KIF5C: variants seen among roughly 807,000 people sequenced by gnomAD.
The protein encoded by KIF5C is kinesin heavy chain isoform 5C.
In KIF5C, 18 loss-of-function variants were observed where a neutral mutation model predicts 125.2. The ratio of observed to expected loss-of-function variants is 0.14; its 90% CI spans 0.10 to 0.21. The LOEUF (loss-of-function observed/expected upper bound fraction) is 0.21, where lower values mean the gene tolerates loss of function less well. Ranked by LOEUF, KIF5C falls within the 10% of genes least tolerant of loss-of-function variation. The probability of loss-of-function intolerance (pLI) is 1.00; values close to 1 mark genes in which losing one functional copy is unlikely to be tolerated. For synonymous variants in KIF5C, 405 were observed against 434.0 expected, an observed-to-expected ratio of 0.93 and a Z score of 0.83; for missense variants, 780 against 1,183.8, an observed-to-expected ratio of 0.66 and a Z score of 5.01.
At chr2:148,978,565 C>G (rs1681143313) in intron 12 of KIF5C, among the ~76,000 whole-genome samples, 1 of 152,002 alleles carries the variant, frequency 6.6e-6, no homozygotes, top group African/African-American at 2.4e-5. Context: ...AAATTCACTC[C>G]TTTATTTTTT....
rs748568528 is a variant in KIF5C at position 148,981,302 on chromosome 2, C to T, written c.1363-53C>T. On this transcript the variant is annotated intron_variant, in intron 13 of 25. Transcript: ENST00000435030. ...ACTTACTTTTGGATACAGCATAGAA[C>T]ATAAACATTTGAACATTAGATTCAC... The T allele has an allele frequency of 2.6e-4, 400 of 1,528,628 alleles. 2 individuals carry two copies. Among genetic ancestry groups the T allele is most frequent in the Non-Finnish European group, 3.4e-4 (387 of 1,139,450 alleles). 94.7% of individuals were successfully genotyped at this position (1,528,628 alleles called of 1,614,324 possible).
At chr2:149,005,077 AG>A (rs1681966409) in intron 21 of KIF5C, among the ~76,000 whole-genome samples, 1 of 152,252 alleles carries the variant, frequency 6.6e-6, no homozygotes, top group African/African-American at 2.4e-5. Flanking sequence ...AACATAGCCC[AG>A]TAGGAATTTT....
chr2:149,008,208 G>A, intron 23 of KIF5C, 141 bp downstream of exon 23: 1 of 1,151,260 alleles, frequency 8.7e-7, no homozygotes, highest in African/African-American at 1.5e-5. Context: ...ATGAGGGCTG[G>A]AAAGGTCCTT....
intron 8 of KIF5C, chr2:148,947,804 T>C (rs1682554099): frequency 2.3e-6 from 1 of 441,118 alleles, no homozygotes; most frequent in Non-Finnish European, 4.6e-6. Flanking sequence ...ATGTGCACAA[T>C]GCCCTCTGGC....
chr2:149,009,803 T>C lies in KIF5C; in HGVS notation c.2551-332T>C, dbSNP rs946891128. Among the ~76,000 whole-genome samples the C allele has an allele frequency of 3.3e-5, 5 of 152,182 alleles. No individual in the cohort carries two copies. The East Asian group carries it at 9.6e-4, about 29-fold the overall frequency. Reference sequence around the variant, plus strand: ...CTCATGCTAATTTAGTATTCTCATATGTGGTCGATTTTCTCACACAATCCC... The same window carrying C: ...CTCATGCTAATTTAGTATTCTCATACGTGGTCGATTTTCTCACACAATCCC... On this transcript the variant is annotated intron_variant, in intron 23 of 25. Transcript: ENST00000435030.
intron 1 of KIF5C, among the ~76,000 whole-genome samples, chr2:148,899,521 G>A (rs188184490): frequency 2.1e-4 from 32 of 151,794 alleles, no homozygotes; most frequent in Admixed American, 9.8e-4. Flanking sequence ...GGCCAACATG[G>A]CAAAACCCCA....
Position 148,983,665 on chromosome 2 carries a change from C to G in KIF5C, c.1615C>G (p.Leu539Val). 1.2e-6 allele frequency: 2 copies of G among 1,609,132 alleles called. No homozygotes were observed. Among genetic ancestry groups the G allele is most frequent in the Admixed American group, 1.7e-5 (1 of 59,734 alleles). ...TQRELSQLQELSNHQKKRATE... is the reference protein window; with the variant it reads ...TQRELSQLQEVSNHQKKRATE... The stretch of plus-strand genomic sequence containing the variant: ...GAGAGAGCTGAGCCAGCTACAAGAG[C>G]TTAGCAACCACCAGAAGAAAAGGGC... Residue 539 changes from leucine (L) to valine (V), a missense_variant, in exon 15 of 26, where the codon CTT (leucine) becomes GTT (valine). Around this residue, in one of 2 missense-constraint regions of KIF5C, gnomAD observed 573 missense variants for 742.6 expected, o/e 0.77. Transcript: ENST00000435030.
intron 1 of KIF5C, among the ~76,000 whole-genome samples, chr2:148,918,215 A>G (rs1681638183): frequency 6.6e-6 from 1 of 152,216 alleles, no homozygotes; most frequent in South Asian, 2.1e-4. Context: ...CTCCTATGTA[A>G]TTAGCACTGT....
intron 1 of KIF5C, among the ~76,000 whole-genome samples, chr2:148,901,276 T>C (rs1380758155): frequency 6.6e-6 from 1 of 152,208 alleles, no homozygotes; most frequent in Non-Finnish European, 1.5e-5. Context: ...GGCAGGTATA[T>C]ATAACCTGCC....
At chr2:148,914,598 T>G (rs1364782430) in intron 1 of KIF5C, among the ~76,000 whole-genome samples, 2 of 152,256 alleles carry the variant, frequency 1.3e-5, no homozygotes, top group African/African-American at 4.8e-5. Context: ...TCCTTCTCAA[T>G]ACGTGAAGTG....
chr2:148,922,962 G>A (rs1681849365), intron 2 of KIF5C, among the ~76,000 whole-genome samples: 1 of 152,230 alleles, frequency 6.6e-6, no homozygotes, highest in South Asian at 2.1e-4. Context: ...GCTCTACCTT[G>A]TCCTTTCAAA....
chr2:148,957,631 G>T (rs1682829555), intron 10 of KIF5C, among the ~76,000 whole-genome samples: 1 of 148,894 alleles, frequency 6.7e-6, no homozygotes, highest in African/African-American at 2.5e-5. Flanking sequence ...TAAACCTCAG[G>T]GCACAAAAAT....
intron 1 of KIF5C, chr2:148,879,911 A>G (rs1455325303): frequency 6.6e-6 from 1 of 152,234 alleles, no homozygotes; most frequent in African/African-American, 2.4e-5. Flanking sequence ...TAAGCTGGAA[A>G]GTGGCCCCAG....
chr2:148,893,903 C>A (rs2105048989), intron 1 of KIF5C, among the ~76,000 whole-genome samples: 1 of 152,310 alleles, frequency 6.6e-6, no homozygotes, highest in South Asian at 2.1e-4. Flanking sequence ...GTCTTTGGAC[C>A]AAACTGCAAA....
chr2:148,956,154 C>G (rs973365379), intron 10 of KIF5C, among the ~76,000 whole-genome samples: 4 of 152,146 alleles, frequency 2.6e-5, no homozygotes, highest in Non-Finnish European at 5.9e-5. Context: ...TGCCAACTTA[C>G]GAGGGTGCCT....
intron 7 of KIF5C, among the ~76,000 whole-genome samples, chr2:148,945,081 A>G (rs1212165853): frequency 6.6e-6 from 1 of 152,088 alleles, no homozygotes; most frequent in Non-Finnish European, 1.5e-5. Context: ...ATTTTCTTCT[A>G]TTCCATGGAT....
intron 3 of KIF5C, among the ~76,000 whole-genome samples, chr2:148,934,410 A>G (rs1381105868): frequency 1.3e-5 from 2 of 150,936 alleles, no homozygotes; most frequent in African/African-American, 4.9e-5. Context: ...ACACAGACAT[A>G]CCATATACCA....
At chr2:148,903,228 C>G (rs1283655779) in intron 1 of KIF5C, among the ~76,000 whole-genome samples, 1 of 152,126 alleles carries the variant, frequency 6.6e-6, no homozygotes, top group African/African-American at 2.4e-5. Flanking sequence ...GCTCATGTTG[C>G]CTTTAAAAAC....
intron 14 of KIF5C, among the ~76,000 whole-genome samples, chr2:148,982,939 A>T (rs1681276975): frequency 6.6e-6 from 1 of 152,224 alleles, no homozygotes; most frequent in South Asian, 2.1e-4. Flanking sequence ...AGTTAAGAAT[A>T]CATACCTTTT....
Sources: gnomAD v4.1 joint callset for allele counts (sites outside exome capture counted in the v4.1 genomes callset) on GRCh38, gnomAD v4.1.1 for gene constraint, gnomAD v4.1.1 regional missense constraint, MANE v1.5 for transcripts, NCBI Gene and HGNC (gene_info 2026-07-23, HGNC 2026-07-21) for gene names.